The following KDM6A variants were observed in gnomAD, a reference collection of about 807,000 sequenced individuals.
The protein encoded by KDM6A is lysine-specific demethylase 6A.
In KDM6A, 11 loss-of-function variants were observed where a neutral mutation model predicts 117.6. That is an observed-to-expected ratio of 0.09 (90% CI 0.06 to 0.15). KDM6A has a LOEUF of 0.15. Among genes scored for constraint, KDM6A ranks in the 10% least tolerant of loss-of-function variants. The pLI is 1.00. For missense variants in KDM6A, 799 were observed against 1,077.3 expected (o/e 0.74, Z 3.62); for synonymous variants, 384 against 396.1 (o/e 0.97, Z 0.36).
intron 12 of KDM6A, 84 bp downstream of exon 12, chrX:45,059,550 C>T (rs1197066264): frequency 3.0e-6 from 2 of 673,590 alleles, no homozygotes; most frequent in Admixed American, 5.3e-5. Context: ...GAAAGTTTGT[C>T]TAGTTGTGTT....
chrX:44,907,280 TTTG>T (rs912974679), intron 2 of KDM6A, among the ~76,000 whole-genome samples: 2 of 111,125 alleles, frequency 1.8e-5, no homozygotes, highest in African/African-American at 3.3e-5. Flanking sequence ...AGTTCCTTTT[TTTG>T]TTGTTGTTGT....
At chrX:44,954,164 C>T (rs2038187374) in intron 2 of KDM6A, among the ~76,000 whole-genome samples, 2 of 107,136 alleles carry the variant, frequency 1.9e-5, no homozygotes, top group African/African-American at 3.4e-5. Flanking sequence ...GGTTTAGATT[C>T]AGGTAGTTTC....
chrX:44,983,648 G>A (rs888257729), intron 4 of KDM6A, among the ~76,000 whole-genome samples: 2 of 102,099 alleles, frequency 2.0e-5, no homozygotes, highest in Non-Finnish European at 3.9e-5. Context: ...CCACCTATGA[G>A]TGAGAACATG....
intron 29 of KDM6A, among the ~76,000 whole-genome samples, chrX:45,110,729 T>A (rs1402994771): frequency 8.9e-6 from 1 of 111,997 alleles, no homozygotes; most frequent in East Asian, 2.8e-4. Context: ...TCCTGGTATA[T>A]TATGTAACCT....
At chrX:45,016,457 GTATGTA>G (rs2041966856) in intron 5 of KDM6A, among the ~76,000 whole-genome samples, 1 of 68,717 alleles carries the variant, frequency 1.5e-5, no homozygotes, top group African/African-American at 9.8e-5. Flanking sequence ...TTTATTTTAT[GTATGTA>G]TGTATGTATG....
At chrX:44,975,290 T>A (rs1260665221) in intron 4 of KDM6A, among the ~76,000 whole-genome samples, 1 of 111,367 alleles carries the variant, frequency 9.0e-6, no homozygotes, top group African/African-American at 3.3e-5. Context: ...ACTTTTAAGT[T>A]TATTGAGCAG....
chrX:45,070,485 G>C, intron 18 of KDM6A, 128 bp downstream of exon 18: 1 of 604,528 alleles, frequency 1.7e-6, no homozygotes, highest in Admixed American at 2.7e-5. Context: ...CTAAGAGTTT[G>C]ACAGAAGCTT....
chrX:44,966,282 G>C (rs1184587204), intron 3 of KDM6A, among the ~76,000 whole-genome samples: 2 of 110,024 alleles, frequency 1.8e-5, no homozygotes, highest in African/African-American at 6.6e-5. Flanking sequence ...GCTGGAACTA[G>C]AGGTGCGCGC....
At chrX:44,895,960 A>G (rs182053323) in intron 2 of KDM6A, among the ~76,000 whole-genome samples, 32 of 110,059 alleles carry the variant, frequency 2.9e-4, no homozygotes, top group Admixed American at 1.6e-3. Flanking sequence ...TGGATATTGC[A>G]GTATTCATAT....
At chrX:45,076,264 G>A (rs1054059667) in intron 18 of KDM6A, among the ~76,000 whole-genome samples, 2 of 111,273 alleles carry the variant, frequency 1.8e-5, no homozygotes, top group Non-Finnish European at 1.9e-5. Flanking sequence ...AAGATATTCT[G>A]ATTATAATTG....
At chrX:44,927,956 C>G (rs1469053233) in intron 2 of KDM6A, among the ~76,000 whole-genome samples, 1 of 110,393 alleles carries the variant, frequency 9.1e-6, no homozygotes, top group Non-Finnish European at 1.9e-5. Flanking sequence ...GTCAGAATCT[C>G]GAGTTGTTAT....
chrX:45,034,257 T>C (rs1484876703), intron 6 of KDM6A, among the ~76,000 whole-genome samples: 1 of 112,021 alleles, frequency 8.9e-6, no homozygotes, highest in Non-Finnish European at 1.9e-5. Context: ...ATTAGTGTTA[T>C]GCATTGATGT....
intron 27 of KDM6A, among the ~76,000 whole-genome samples, chrX:45,104,231 T>A (rs1425070008): frequency 9.0e-6 from 1 of 111,467 alleles, no homozygotes; most frequent in Non-Finnish European, 1.9e-5. Context: ...TCCATGTTGG[T>A]CAGGCTGGTC....
intron 6 of KDM6A, among the ~76,000 whole-genome samples, chrX:45,033,936 T>G (rs979441047): frequency 2.7e-5 from 3 of 111,221 alleles, no homozygotes; most frequent in Non-Finnish European, 5.7e-5. Context: ...TTTGTGACTT[T>G]TGGGTAGCCA....
At chrX:44,897,172 T>C (rs1230388644) in intron 2 of KDM6A, among the ~76,000 whole-genome samples, 3 of 106,869 alleles carry the variant, frequency 2.8e-5, no homozygotes, top group Admixed American at 1.0e-4. Context: ...TTTTCTCTCT[T>C]GTTTAGATTG....
intron 17 of KDM6A, among the ~76,000 whole-genome samples, chrX:45,064,609 G>A (rs1007342567): frequency 8.1e-5 from 9 of 111,793 alleles, no homozygotes; most frequent in Non-Finnish European, 1.5e-4. Context: ...CATGATATGG[G>A]TACTCGCTGA....
chrX:44,874,062 G>C (rs1601998753), intron 2 of KDM6A, 75 bp downstream of exon 2: 2 of 988,815 alleles, frequency 2.0e-6, no homozygotes, highest in Non-Finnish European at 2.9e-6. Flanking sequence ...CCCCGCGGCC[G>C]GGTCTGTGCT....
intron 2 of KDM6A, among the ~76,000 whole-genome samples, chrX:44,939,707 T>G (rs1042361108): frequency 2.7e-5 from 3 of 110,559 alleles, no homozygotes; most frequent in African/African-American, 9.9e-5. Context: ...AAAGGAAGAG[T>G]CAATCCATGT....
At chrX:44,996,729 G>C (rs1464164441) in intron 4 of KDM6A, among the ~76,000 whole-genome samples, 2 of 110,997 alleles carry the variant, frequency 1.8e-5, no homozygotes, top group Non-Finnish European at 3.8e-5. Context: ...TATGTAACAG[G>C]TTATTAAAGA....
Sources: gnomAD v4.1 joint callset for allele counts (sites outside exome capture counted in the v4.1 genomes callset) on GRCh38, gnomAD v4.1.1 for gene constraint, MANE v1.5 for transcripts, NCBI Gene and HGNC (gene_info 2026-07-23, HGNC 2026-07-21) for gene names.